Variants in ABCD3 observed in about 807,000 individuals in gnomAD.
ABCD3 encodes ATP-binding cassette sub-family D member 3.
A neutral mutation model predicts 105.5 loss-of-function variants in ABCD3; 41 were observed. The observed-to-expected ratio is 0.39, with a 90% CI of 0.30 to 0.50. The LOEUF (loss-of-function observed/expected upper bound fraction) is 0.50. Ranked by LOEUF, ABCD3 falls within the 20% of genes least tolerant of loss-of-function variation. The pLI, the probability that ABCD3 is intolerant of heterozygous loss-of-function variation, is 0.84. For missense variants in ABCD3, 622 were observed against 806.3 expected, an observed-to-expected ratio of 0.77 and a Z score of 2.77; for synonymous variants, 258 against 269.0, an observed-to-expected ratio of 0.96 and a Z score of 0.40.
intron 20 of ABCD3, among the ~76,000 whole-genome samples, chr1:94,504,615 T>G (rs1322874623): frequency 6.6e-6 from 1 of 152,112 alleles, no homozygotes; most frequent in Non-Finnish European, 1.5e-5. Flanking sequence ...GGCTAGAATG[T>G]TGGGGTTAGA....
intron 20 of ABCD3, among the ~76,000 whole-genome samples, chr1:94,504,220 C>A (rs889995372): frequency 2.0e-5 from 3 of 152,024 alleles, no homozygotes; most frequent in East Asian, 3.9e-4. Flanking sequence ...CAGGTACAAG[C>A]AATTCTTGTT....
Position 94,489,802 on chromosome 1 carries a change from C to T in ABCD3, c.1235C>T (p.Ser412Leu). Residue 412 changes from serine (S) to leucine (L), a missense_variant, in exon 14 of 23, where the codon TCA becomes TTA. Physicochemically the swap from Ser to Leu is moderately radical, Grantham distance 145. Around this residue, in one of 4 missense-constraint regions of ABCD3, gnomAD observed 285 missense variants for 352.5 expected, o/e 0.81. Transcript: ENST00000370214. The part of the protein sequence containing the change: ...NHGKYERTMV[S>L]QQEKGIEGVQ... ...GGCAAATATGAGCGCACAATGGTCT[C>T]ACAACAGGAAAAGGGTAAATATGAG... 1.2e-6 allele frequency: 2 copies of T among 1,613,074 alleles called. No homozygotes were observed. The highest frequency in any genetic ancestry group is 1.7e-6 in the Non-Finnish European group (2 of 1,179,366).
Position 94,517,243 on chromosome 1 carries a change from AGCAAC to A in ABCD3, c.*115_*119del. ...TAGTTTTTTTTAAAAAAAAAAACAAAGCAACAAATTAACTAGATACAGAATAATGG... is the reference window on the plus strand; with the variant it reads ...TAGTTTTTTTTAAAAAAAAAAACAAAAAATTAACTAGATACAGAATAATGG... On this transcript the variant is annotated 3_prime_UTR_variant, in exon 23 of 23. Coordinates refer to ENST00000370214, the MANE Select transcript of ABCD3 (RefSeq NM_002858.4). 1.2e-6 allele frequency: 1 copy of A among 806,598 alleles called. No homozygotes were observed. The highest frequency in any genetic ancestry group is 2.1e-6 in the Non-Finnish European group (1 of 477,150). 50.0% of individuals were successfully genotyped at this position (806,598 alleles called of 1,614,324 possible).
chr1:94,398,439 T>C, the ABCD3 span, among the ~76,000 whole-genome samples: 11 of 152,336 alleles, frequency 7.2e-5, no homozygotes, highest in Middle Eastern at 3.4e-3. Flanking sequence ...ATAAGTAGAA[T>C]ACACTGATTT....
upstream of ABCD3, among the ~76,000 whole-genome samples, chr1:94,414,420 C>T (rs766114282): frequency 5.9e-5 from 9 of 152,178 alleles, no homozygotes; most frequent in Non-Finnish European, 1.2e-4. Context: ...TTGATCTGTG[C>T]TGCCCTGACT....
chr1:94,409,867 C>T, the ABCD3 span, among the ~76,000 whole-genome samples: 1 of 152,130 alleles, frequency 6.6e-6, no homozygotes, highest in South Asian at 2.1e-4. Flanking sequence ...TAAGGCTCAG[C>T]AAAGTATCCA....
intron 4 of ABCD3, among the ~76,000 whole-genome samples, chr1:94,473,559 G>T (rs908753267): frequency 1.2e-4 from 18 of 152,032 alleles, no homozygotes; most frequent in African/African-American, 4.1e-4. Context: ...TTTGCCATTT[G>T]CAGGATGAGG....
intron 16 of ABCD3, among the ~76,000 whole-genome samples, chr1:94,492,193 T>G (rs994627248): frequency 1.3e-5 from 2 of 152,162 alleles, no homozygotes; most frequent in Non-Finnish European, 2.9e-5. Flanking sequence ...AGAATTCCTC[T>G]CCACATGCTA....
intron 6 of ABCD3, 129 bp from the exon 7 acceptor site, chr1:94,475,484 AG>A: frequency 1.0e-6 from 1 of 955,682 alleles, no homozygotes; most frequent in Non-Finnish European, 1.6e-6. Context: ...GGCAATCAAT[AG>A]GATCTCTTCT....
chr1:94,480,278 T>C, intron 8 of ABCD3, 186 bp from the exon 9 acceptor site: 2 of 643,708 alleles, frequency 3.1e-6, no homozygotes, highest in Non-Finnish European at 5.3e-6. Context: ...GAAAAGCCCA[T>C]GAGTAGTAAA....
chr1:94,456,202 A>G (rs1351559942), intron 1 of ABCD3, among the ~76,000 whole-genome samples: 1 of 111,718 alleles, frequency 9.0e-6, no homozygotes, highest in Admixed American at 9.4e-5. Flanking sequence ...GGCCTGGCTT[A>G]TTTCATTTAG....
intron 7 of ABCD3, among the ~76,000 whole-genome samples, chr1:94,476,421 A>G (rs1295080873): frequency 2.0e-5 from 3 of 152,142 alleles, no homozygotes; most frequent in South Asian, 2.1e-4. Flanking sequence ...GTAGGCACCT[A>G]TAAAATAGTC....
At chr1:94,472,473 G>GT in intron 4 of ABCD3, among the ~76,000 whole-genome samples, 1 of 140,514 alleles carries the variant, frequency 7.1e-6, no homozygotes, top group Middle Eastern at 3.4e-3. Flanking sequence ...TTTTTTAACT[G>GT]TTTTACTTTT....
intron 1 of ABCD3, 55 bp downstream of exon 1, chr1:94,418,643 G>A: frequency 1.3e-6 from 2 of 1,522,624 alleles, no homozygotes; most frequent in South Asian, 1.2e-5. Context: ...CGCTCCCCGC[G>A]CGCTCTCTCT....
intron 13 of ABCD3, among the ~76,000 whole-genome samples, chr1:94,489,347 G>A (rs1032694754): frequency 6.6e-6 from 1 of 151,938 alleles, no homozygotes; most frequent in African/African-American, 2.4e-5. Context: ...CTTTATACAT[G>A]GCTTTATAGG....
chr1:94,418,362 G>C, upstream of ABCD3: 1 of 887,022 alleles, frequency 1.1e-6, no homozygotes, highest in Non-Finnish European at 1.7e-6. Flanking sequence ...GCGGTCCTGC[G>C]CGGCCGGCCC....
At chr1:94,399,541 G>A in the ABCD3 span, among the ~76,000 whole-genome samples, 1 of 152,166 alleles carries the variant, frequency 6.6e-6, no homozygotes, top group East Asian at 1.9e-4. Context: ...AAAGTTGAGA[G>A]CCAAAGATTA....
At position 94,450,265 on chromosome 1, in the gene ABCD3, C is replaced by G. The variant is rs1660527413; in HGVS notation, c.111-8342C>G. 2.0e-5 allele frequency among the ~76,000 whole-genome samples: 3 copies of G among 152,244 alleles called. No homozygotes were observed. The South Asian group carries it at 6.2e-4, about 32-fold the overall frequency. On this transcript the variant is annotated intron_variant, in intron 1 of 22. Transcript: ENST00000370214. Reference sequence around the variant, plus strand: ...AAGTAGCTCACTGTGACAAAGCCGCCTTTGCTTTTATTACTTTGCAAAACA... The same window carrying G: ...AAGTAGCTCACTGTGACAAAGCCGCGTTTGCTTTTATTACTTTGCAAAACA...
chr1:94,453,734 G>A (rs951574859), intron 1 of ABCD3, among the ~76,000 whole-genome samples: 12 of 143,984 alleles, frequency 8.3e-5, no homozygotes, highest in Admixed American at 6.9e-4. Flanking sequence ...ATCTATTTTT[G>A]TGCTCATTTT....
Sources: allele counts gnomAD v4.1 joint callset (sites outside exome capture counted in the v4.1 genomes callset), GRCh38; gene constraint gnomAD v4.1.1; regional missense constraint gnomAD v4.1.1; transcripts MANE v1.5; gene names NCBI Gene and HGNC (gene_info 2026-07-23, HGNC 2026-07-21).